GPX4: variants seen among roughly 807,000 people sequenced by gnomAD.
GPX4 encodes the protein phospholipid hydroperoxide glutathione peroxidase GPX4.
A neutral mutation model predicts 27.8 loss-of-function variants in GPX4; 28 were observed. That is an observed-to-expected ratio of 1.01 (90% CI 0.75 to 1.38). GPX4 has a LOEUF of 1.38. Ranked by LOEUF, GPX4 falls within the 40% of genes most tolerant of loss-of-function variation. The probability of loss-of-function intolerance (pLI) is 0.00; values close to 1 mark genes in which losing one functional copy is unlikely to be tolerated. For missense variants in GPX4, 357 were observed against 274.1 expected, an observed-to-expected ratio of 1.30 and a Z score of -2.14; for synonymous variants, 163 against 107.8, an observed-to-expected ratio of 1.51 and a Z score of -3.17.
intron 3 of GPX4, 36 bp from the exon 4 acceptor site, chr19:1,105,622 A>AG (rs8178973): frequency 0.18 from 285,620 of 1,606,362 alleles, 27,329 homozygotes; most frequent in Admixed American, 0.32. Flanking sequence ...AGGGGGTGCC[A>AG]GCCCCCGACT....
chr19:1,105,852 G>T, intron 4 of GPX4, 43 bp downstream of exon 4: 3 of 1,489,970 alleles, frequency 2.0e-6, no homozygotes, highest in East Asian at 2.6e-5. Context: ...GGGTGGGGGT[G>T]GGGGGGCTGC....
At chr19:1,105,133 C>T (rs994139572) in intron 1 of GPX4, 53 bp from the exon 2 acceptor site, 1 of 1,596,490 alleles carries the variant, frequency 6.3e-7, no homozygotes, top group African/African-American at 1.3e-5. Context: ...GCCTCAGGGT[C>T]CCGGGCTCAG....
At position 1,106,052 on chromosome 19, in the gene GPX4, T is replaced by G. The variant is rs2079649012; in HGVS notation, c.477-190T>G. 1.1e-5 allele frequency: 6 copies of G among 532,762 alleles called. No individual in the cohort carries two copies. The Admixed American group carries it at 1.2e-4, about 11-fold the overall frequency. 33.0% of individuals were successfully genotyped at this position (532,762 alleles called of 1,614,324 possible). On this transcript the variant is annotated intron_variant, in intron 4 of 6. Transcript: ENST00000354171. The stretch of plus-strand genomic sequence containing the variant: ...CTGGGGACAGGATGGCTCGGGGGCC[T>G]GTGGGGGGCTGTTGGGACTCTCACA...
At position 1,105,751 on chromosome 19, in the gene GPX4, G is replaced by T. The variant is rs2145168322; in HGVS notation, c.418G>T (p.Ala140Ser). 2 of 1,546,404 alleles carry T rather than the reference G, an allele frequency of 1.3e-6. No individual in the cohort carries two copies. The highest frequency in any genetic ancestry group is 5.0e-5 in the East Asian group (2 of 39,682). The change falls in exon 4 of 7, where the codon GCC (alanine) becomes TCC (serine). Residue 140 changes from alanine to serine, a missense_variant. Physicochemically the swap from Ala to Ser is moderately conservative, Grantham distance 99. Coordinates refer to ENST00000354171, the MANE Select transcript of GPX4 (RefSeq NM_002085.5). ...FSKICVNGDD[A>S]HPLWKWMKIQ... ...CAAGATCTGCGTGAACGGGGACGAC[G>T]CCCACCCGCTGTGGAAGTGGATGAA...
Position 1,104,056 on chromosome 19 carries a change from C to A in GPX4, c.13C>A (p.Arg5Ser), listed in dbSNP as rs1364974407. The A allele has an allele frequency of 5.3e-6, 8 of 1,519,042 alleles. No homozygotes were observed. Among genetic ancestry groups the A allele is most frequent in the African/African-American group, 1.4e-5 (1 of 70,444 alleles). The allele number at this position is 1,519,042 out of a possible 1,614,324, so 94.1% of individuals were successfully genotyped here. ...CAGCCCCGCCGCGATGAGCCTCGGCCGCCTTTGCCGCCTACTGAAGCCGGC... is the reference window on the plus strand; with the variant it reads ...CAGCCCCGCCGCGATGAGCCTCGGCAGCCTTTGCCGCCTACTGAAGCCGGC... Reference protein sequence around the residue: MSLGRLCRLLKPALL... With the variant: MSLGSLCRLLKPALL... Residue 5 changes from arginine to serine, a missense_variant, in exon 1 of 7, where the codon CGC becomes AGC. Physicochemically the swap from Arg to Ser is moderately radical, Grantham distance 110. Coordinates refer to ENST00000354171, the MANE Select transcript of GPX4 (RefSeq NM_002085.5).
At chr19:1,106,127 G>A in intron 4 of GPX4, 115 bp from the exon 5 acceptor site, 1 of 1,003,992 alleles carries the variant, frequency 1.0e-6, no homozygotes, top group East Asian at 2.5e-5. Context: ...TGGGGGCACT[G>A]TGGCTGTGGA....
At position 1,106,317 on chromosome 19, in the gene GPX4, G is replaced by A. The variant is rs372433868; in HGVS notation, c.501+51G>A. ...ACCAGCTTCCCCTGGCCACAGCCGTGGCCCAGATGGGCAGCGGACAGGAAG... is the reference window on the plus strand; with the variant it reads ...ACCAGCTTCCCCTGGCCACAGCCGTAGCCCAGATGGGCAGCGGACAGGAAG... On this transcript the variant is annotated intron_variant, in intron 5 of 6. Transcript: ENST00000354171. The A allele has an allele frequency of 6.8e-4, 1,084 of 1,605,654 alleles. 1 individual carries two copies. Among genetic ancestry groups the A allele is most frequent in the Non-Finnish European group, 8.9e-4 (1,044 of 1,173,376 alleles).
At position 1,105,272 on chromosome 19, in the gene GPX4, C is replaced by A; in HGVS notation, c.171C>A (p.Asp57Glu). Residue 57 changes from aspartate to glutamate, a missense_variant, in exon 2 of 7, where the codon GAC (aspartate) becomes GAA (glutamate). Physicochemically the swap from Asp to Glu is conservative, Grantham distance 45 (BLOSUM62 2). Transcript: ENST00000354171. ...KDIDGHMVNLDKYRGFVCIVT... is the reference protein window; with the variant it reads ...KDIDGHMVNLEKYRGFVCIVT... ...TCGACGGGCACATGGTTAACCTGGA[C>A]AAGTACCGGTGGGCGCTCGCCTGGG... is the stretch of plus-strand genomic sequence containing the variant. 6.2e-7 allele frequency: 1 copy of A among 1,613,050 alleles called. No individual in the cohort carries two copies. Among genetic ancestry groups the A allele is most frequent in the Non-Finnish European group, 8.5e-7 (1 of 1,179,902 alleles).
chr19:1,105,358 C>T lies in GPX4; in HGVS notation c.180-8C>T, dbSNP rs780675386. On this transcript the variant is annotated splice_polypyrimidine_tract_variant and splice_region_variant and intron_variant, in intron 2 of 6. Coordinates refer to ENST00000354171, the MANE Select transcript of GPX4 (RefSeq NM_002085.5). ...GTTCTTCTGCGCTGACGCCGCCGAT[C>T]CTCGCAGGGGCTTCGTGTGCATCGT... is the stretch of plus-strand genomic sequence containing the variant. The T allele has an allele frequency of 3.1e-6, 5 of 1,611,456 alleles. No individual in the cohort carries two copies. Among genetic ancestry groups the T allele is most frequent in the East Asian group, 4.5e-5 (2 of 44,842 alleles).
Position 1,106,585 on chromosome 19 carries a change from G to A in GPX4, c.*13G>A, listed in dbSNP as rs1469011646. 1 of 1,613,340 alleles carries A rather than the reference G, an allele frequency of 6.2e-7. No homozygotes were observed. The highest frequency in any genetic ancestry group is 1.1e-5 in the South Asian group (1 of 91,074). Reference sequence around the variant, plus strand: ...CCACTATTTCTAGCTCCACAAGTGTGTGGCCCCGCCCGAGCCCCTGCCCAC... The same window carrying A: ...CCACTATTTCTAGCTCCACAAGTGTATGGCCCCGCCCGAGCCCCTGCCCAC... On this transcript the variant is annotated 3_prime_UTR_variant, in exon 7 of 7. Transcript: ENST00000354171.
At chr19:1,106,333 G>T (rs553318268) in intron 5 of GPX4, 67 bp downstream of exon 5, 2 of 1,608,802 alleles carry the variant, frequency 1.2e-6, no homozygotes, top group African/African-American at 1.3e-5. Context: ...GATGGGCAGC[G>T]GACAGGAAGG....
rs370266690 is a variant in GPX4, at chr19:1,106,518, A to G, written c.562-22A>G. 2.5e-6 allele frequency: 4 copies of G among 1,611,674 alleles called. No homozygotes were observed. In the African/African-American group the frequency reaches 4.0e-5, roughly 16 times the overall value. On this transcript the variant is annotated intron_variant, in intron 6 of 6. Coordinates refer to ENST00000354171, the MANE Select transcript of GPX4 (RefSeq NM_002085.5). ...GGGGGCTTGGGAGGTAGCTGCCCTA[A>G]CCCAGCTTTCCTCCCCGACAGGTGA...
At chr19:1,105,834 G>C (rs369731020) in intron 4 of GPX4, 25 bp downstream of exon 4, 1 of 1,491,064 alleles carries the variant, frequency 6.7e-7, no homozygotes, top group Non-Finnish European at 9.0e-7. Context: ...GGGACAGTAC[G>C]GCTGCTGGGG....
In GPX4 at chr19:1,106,478, GC is replaced by G; in HGVS notation, c.561+22del. 1 of 1,612,700 alleles carries G rather than the reference GC, an allele frequency of 6.2e-7. No individual in the cohort carries two copies. The stretch of plus-strand genomic sequence containing the variant: ...GCCCCTGGTAGGTCCTCTCTAGGGA[GC>G]CCGCTTGAGGCTCGGGGGCTTGGGA... On this transcript the variant is annotated intron_variant, in intron 6 of 6. Transcript: ENST00000354171.
At chr19:1,104,187 T>TG in intron 1 of GPX4, 60 bp downstream of exon 1, 1 of 1,321,096 alleles carries the variant, frequency 7.6e-7, no homozygotes, top group Non-Finnish European at 9.8e-7. Context: ...GCGCGATCCC[T>TG]GCCTCCGCTC....
chr19:1,104,076 G>A lies in GPX4; in HGVS notation c.33G>A (p.Lys11=), dbSNP rs1189487597. Residue 11 remains lysine (K), a synonymous_variant, in exon 1 of 7, where the codon AAG becomes AAA. Coordinates refer to ENST00000354171, the MANE Select transcript of GPX4 (RefSeq NM_002085.5). The part of the protein sequence containing the change: MSLGRLCRLL[K]PALLCGALAA... ...TCGGCCGCCTTTGCCGCCTACTGAA[G>A]CCGGCGCTGCTCTGTGGGGCTCTGG... 7.2e-6 allele frequency: 11 copies of A among 1,519,614 alleles called. No individual in the cohort carries two copies. The East Asian group carries it at 7.8e-5, about 11-fold the overall frequency. 94.1% of individuals were successfully genotyped at this position (1,519,614 alleles called of 1,614,324 possible).
At position 1,105,286 on chromosome 19, in the gene GPX4, C is replaced by T. The variant is rs754288488; in HGVS notation, c.179+6C>T. 26 of 1,612,812 alleles carry T rather than the reference C, an allele frequency of 1.6e-5. No homozygotes were observed. Among genetic ancestry groups the T allele is most frequent in the Non-Finnish European group, 2.2e-5 (26 of 1,179,894 alleles). On this transcript the variant is annotated splice_donor_region_variant and intron_variant, in intron 2 of 6. Transcript: ENST00000354171. ...GTTAACCTGGACAAGTACCGGTGGG[C>T]GCTCGCCTGGGGTGGGGCGCGGGGT...
chr19:1,106,563 C>T lies in GPX4; in HGVS notation c.585C>T (p.His195=), dbSNP rs1464805338. 3 of 1,613,472 alleles carry T rather than the reference C, an allele frequency of 1.9e-6. No homozygotes were observed. The highest frequency in any genetic ancestry group is 1.7e-4 in the Middle Eastern group (1 of 6,058). Residue 195 remains histidine, a synonymous_variant, in exon 7 of 7, where the codon CAC becomes CAT. Transcript: ENST00000354171. ...AGGTGATAGAGAAGGACCTGCCCCA[C>T]TATTTCTAGCTCCACAAGTGTGTGG... ...EPLVIEKDLP[H]YF
Position 1,106,197 on chromosome 19 carries a change from T to G in GPX4, c.477-45T>G, listed in dbSNP as rs376112545. 3.9e-4 allele frequency: 594 copies of G among 1,516,914 alleles called. 2 individuals carry two copies. The African/African-American group carries it at 4.0e-3, about 10-fold the overall frequency. The allele number at this position is 1,516,914 out of a possible 1,614,324, so 94.0% of individuals were successfully genotyped here. On this transcript the variant is annotated intron_variant, in intron 4 of 6. Coordinates refer to ENST00000354171, the MANE Select transcript of GPX4 (RefSeq NM_002085.5). Reference sequence around the variant, plus strand: ...TGGAGACAGGACAGCTTGGGGACTGTGGGGGGCTGCTGGGGACGCTCACGT... The same window carrying G: ...TGGAGACAGGACAGCTTGGGGACTGGGGGGGGCTGCTGGGGACGCTCACGT...
Sources: gnomAD v4.1 joint callset for allele counts on GRCh38, gnomAD v4.1.1 for gene constraint, MANE v1.5 for transcripts, NCBI Gene and HGNC (gene_info 2026-07-23, HGNC 2026-07-21) for gene names.